The following MTFR1 variants were observed in gnomAD, a reference collection of about 807,000 sequenced individuals.
The protein encoded by MTFR1 is mitochondrial fission regulator 1.
MTFR1 carries 28 observed loss-of-function variants against 38.8 expected under a neutral mutation model. The observed-to-expected ratio is 0.72, with a 90% CI of 0.53 to 0.99. The LOEUF is 0.99. Among genes scored for constraint, MTFR1 ranks in the 50% least tolerant of loss-of-function variants. The pLI, the probability that MTFR1 is intolerant of heterozygous loss-of-function variation, is 0.00. For missense variants in MTFR1, 358 were observed against 395.5 expected (o/e 0.91, Z 0.81); for synonymous variants, 145 against 137.0 (o/e 1.06, Z -0.41).
At chr8:65,733,866 G>A (rs537664906) in intron 3 of MTFR1, among the ~76,000 whole-genome samples, 5 of 152,096 alleles carry the variant, frequency 3.3e-5, no homozygotes, top group Admixed American at 1.3e-4. Flanking sequence ...CCTGTTTCCC[G>A]CCTAACACCT....
intron 3 of MTFR1, chr8:65,721,797 A>ATTTTTTTTTTT (rs57656696): frequency 2.4e-5 from 3 of 125,410 alleles, no homozygotes; most frequent in Admixed American, 8.0e-5. Flanking sequence ...TCTTTTGTCC[A>ATTTTTTTTTTT]TTTTTTTTTT....
At chr8:65,660,310 G>GAA (rs1809376440) in intron 1 of MTFR1, among the ~76,000 whole-genome samples, 30 of 114,228 alleles carry the variant, frequency 2.6e-4, no homozygotes, top group Admixed American at 4.4e-4. Context: ...AAAAAAAAAA[G>GAA]ACAAAAAAAA....
chr8:65,719,244 T>C, intron 2 of MTFR1: 1 of 1,387,226 alleles, frequency 7.2e-7, no homozygotes, highest in Non-Finnish European at 1.0e-6. Flanking sequence ...CCATTTCACA[T>C]TTCTAAAAAC....
At chr8:65,681,407 G>T (rs1038719700) in intron 2 of MTFR1, among the ~76,000 whole-genome samples, 2 of 152,148 alleles carry the variant, frequency 1.3e-5, no homozygotes, top group South Asian at 4.1e-4. Context: ...GGCAGGAGCC[G>T]CCGCACCTGG....
chr8:65,755,726 CT>C (rs1255686691), intron 3 of MTFR1, among the ~76,000 whole-genome samples: 3 of 152,182 alleles, frequency 2.0e-5, no homozygotes, highest in Non-Finnish European at 4.4e-5. Flanking sequence ...TTTATTTCCT[CT>C]TATGGCTTTA....
At chr8:65,696,664 T>A (rs1223820705) in intron 4 of MTFR1, among the ~76,000 whole-genome samples, 1 of 152,196 alleles carries the variant, frequency 6.6e-6, no homozygotes, top group Non-Finnish European at 1.5e-5. Context: ...ATGTAACTTT[T>A]TTTTTTATTT....
intron 4 of MTFR1, among the ~76,000 whole-genome samples, chr8:65,694,124 C>CAGTG (rs886305981): frequency 2.0e-5 from 3 of 149,596 alleles, no homozygotes; most frequent in African/African-American, 5.0e-5. Context: ...ACCCACGCTC[C>CAGTG]AGTGCAGTGG....
intron 5 of MTFR1, among the ~76,000 whole-genome samples, chr8:65,706,666 A>G (rs964210545): frequency 2.0e-5 from 3 of 152,236 alleles, no homozygotes; most frequent in African/African-American, 7.2e-5. Flanking sequence ...GTCAAATTGT[A>G]TGTAATGTAG....
At chr8:65,775,483 C>T (rs1381962798), downstream of MTFR1, among the ~76,000 whole-genome samples, 2 of 152,194 alleles carry the variant, frequency 1.3e-5, no homozygotes, top group African/African-American at 2.4e-5. Flanking sequence ...TTAATTATCA[C>T]GTTTTTATGG....
At position 65,709,065 on chromosome 8, in the gene MTFR1, G is replaced by A; in HGVS notation, c.*21G>A. The A allele has an allele frequency of 1.2e-6, 2 of 1,611,908 alleles. No homozygotes were observed. The highest frequency in any genetic ancestry group is 1.7e-6 in the Non-Finnish European group (2 of 1,178,090). ...CCTAATAGACAATGAGCTGCGAAAAGACTCCTGGTTCCCCTGTTGATTTGT... is the reference window on the plus strand; with the variant it reads ...CCTAATAGACAATGAGCTGCGAAAAAACTCCTGGTTCCCCTGTTGATTTGT... On this transcript the variant is annotated 3_prime_UTR_variant, in exon 8 of 8. Coordinates refer to ENST00000262146, the MANE Select transcript of MTFR1 (RefSeq NM_014637.4).
Position 65,662,360 on chromosome 8 carries a change from G to C in MTFR1, c.-80-7513G>C, listed in dbSNP as rs536809426. ...AGTGATCCGCCAGCCTCGGCCTCCC[G>C]AGGTGCCGGGATGGCAGACGGAGTC... On this transcript the variant is annotated intron_variant, in intron 1 of 7. Coordinates refer to ENST00000262146, the MANE Select transcript of MTFR1 (RefSeq NM_014637.4). Among the ~76,000 whole-genome samples the C allele has an allele frequency of 2.7e-3, 411 of 151,984 alleles. 1 individual carries two copies. The highest frequency in any genetic ancestry group is 9.6e-3 in the African/African-American group (399 of 41,514).
downstream of MTFR1, among the ~76,000 whole-genome samples, chr8:65,775,908 G>A (rs562875095): frequency 3.7e-4 from 57 of 152,264 alleles, no homozygotes; most frequent in African/African-American, 9.6e-4. Flanking sequence ...GATTACGGGC[G>A]TGAGCCACCA....
chr8:65,740,670 GATT>G (rs1430837134), intron 3 of MTFR1, among the ~76,000 whole-genome samples: 2 of 152,288 alleles, frequency 1.3e-5, no homozygotes, highest in South Asian at 4.1e-4. Flanking sequence ...AAAGTGCTGG[GATT>G]TACAGGCGTG....
downstream of MTFR1, among the ~76,000 whole-genome samples, chr8:65,771,486 C>T (rs552002637): frequency 1.5e-4 from 23 of 152,184 alleles, no homozygotes; most frequent in African/African-American, 5.3e-4. Context: ...CTGTTGATAT[C>T]GATCTCCCTC....
intron 2 of MTFR1, among the ~76,000 whole-genome samples, chr8:65,715,910 T>G (rs1220487425): frequency 7.2e-6 from 1 of 138,584 alleles, no homozygotes; most frequent in East Asian, 2.2e-4. Context: ...ATGAGGAGAA[T>G]GGCGTGAACC....
intron 4 of MTFR1, among the ~76,000 whole-genome samples, chr8:65,694,690 G>A (rs893773467): frequency 6.6e-6 from 1 of 152,178 alleles, no homozygotes; most frequent in African/African-American, 2.4e-5. Flanking sequence ...AGGAGATTAA[G>A]AAGGAAATCA....
At chr8:65,727,358 C>T in intron 3 of MTFR1, 2 of 1,599,024 alleles carry the variant, frequency 1.3e-6, no homozygotes, top group South Asian at 2.3e-5. Context: ...AGCTCTACGC[C>T]ATCACAGTAG....
chr8:65,695,791 G>T (rs1805424603), intron 4 of MTFR1, among the ~76,000 whole-genome samples: 1 of 152,192 alleles, frequency 6.6e-6, no homozygotes, highest in African/African-American at 2.4e-5. Flanking sequence ...TATGTGAATG[G>T]ATATTGGTAA....
At chr8:65,681,187 C>T (rs1024294309) in intron 2 of MTFR1, among the ~76,000 whole-genome samples, 1 of 152,078 alleles carries the variant, frequency 6.6e-6, no homozygotes, top group East Asian at 1.9e-4. Context: ...GCTGGGATTA[C>T]AGGCGTGAGC....
Sources: allele counts gnomAD v4.1 joint callset (sites outside exome capture counted in the v4.1 genomes callset), GRCh38; gene constraint gnomAD v4.1.1; transcripts MANE v1.5; gene names NCBI Gene and HGNC (gene_info 2026-07-23, HGNC 2026-07-21).